Variants in ZGPAT observed in about 807,000 individuals in gnomAD.
ZGPAT encodes zinc finger CCCH-type and G-patch domain containing, also known as zinc finger CCCH-type with G patch domain-containing protein.
ZGPAT carries 39 observed loss-of-function variants against 47.9 expected under a neutral mutation model. That is an observed-to-expected ratio of 0.81 (90% CI 0.63 to 1.06). The LOEUF (loss-of-function observed/expected upper bound fraction) is 1.06, where lower values mean the gene tolerates loss of function less well. Among genes scored for constraint, ZGPAT ranks in the 50% least tolerant of loss-of-function variants. The probability of loss-of-function intolerance (pLI) is 0.00; values close to 1 mark genes in which losing one functional copy is unlikely to be tolerated. For missense variants in ZGPAT, 717 were observed against 681.4 expected (o/e 1.05, Z -0.58); for synonymous variants, 348 against 292.9 (o/e 1.19, Z -1.92).
At chr20:63,732,688 GTATGCATGTGTA>G (rs1568800215) in intron 2 of ZGPAT, among the ~76,000 whole-genome samples, 6 of 151,616 alleles carry the variant, frequency 4.0e-5, no homozygotes, top group Non-Finnish European at 7.4e-5. Context: ...GTGCATGTGT[GTATGCATGTGTA>G]TACATGTGTA....
At chr20:63,724,416 T>G (rs2091822409) in intron 2 of ZGPAT, among the ~76,000 whole-genome samples, 1 of 150,984 alleles carries the variant, frequency 6.6e-6, no homozygotes, top group Non-Finnish European at 1.5e-5. Flanking sequence ...ACACTGTGGT[T>G]CATGCCTGTA....
At chr20:63,718,669 T>A (rs1317609604) in intron 2 of ZGPAT, among the ~76,000 whole-genome samples, 1 of 151,840 alleles carries the variant, frequency 6.6e-6, no homozygotes, top group Non-Finnish European at 1.5e-5. Flanking sequence ...AAGCCCAGGC[T>A]GGTCTTGAAC....
intron 2 of ZGPAT, among the ~76,000 whole-genome samples, chr20:63,729,518 G>C (rs1480157671): frequency 6.6e-6 from 1 of 152,080 alleles, no homozygotes; most frequent in African/African-American, 2.4e-5. Flanking sequence ...ATTTTCTCTT[G>C]TGAAATCCAT....
rs11483917 is a variant in ZGPAT, at chr20:63,728,037, C to CTT, written c.585-5167_585-5166dup. ...ATATCTCTGCTCAGATTTTTAAATT[C>CTT]TTTTTTTTTTTTTTTTGAGATGGAG... On this transcript the variant is annotated intron_variant, in intron 2 of 6. Transcript: ENST00000355969. Among the ~76,000 whole-genome samples the CTT allele has an allele frequency of 6.2e-3, 826 of 133,286 alleles. 12 individuals carry two copies. The highest frequency in any genetic ancestry group is 0.018 in the African/African-American group (653 of 35,432). The allele number at this position is 133,286 out of a possible 152,430, so 87.4% of individuals were successfully genotyped here.
chr20:63,730,541 G>A (rs1347548957), intron 2 of ZGPAT, among the ~76,000 whole-genome samples: 1 of 152,184 alleles, frequency 6.6e-6, no homozygotes, highest in East Asian at 1.9e-4. Context: ...CTGGAGTGCA[G>A]TGACACAATC....
chr20:63,730,729 G>A (rs1469408053), intron 2 of ZGPAT, among the ~76,000 whole-genome samples: 3 of 152,088 alleles, frequency 2.0e-5, no homozygotes, highest in Admixed American at 1.3e-4. Flanking sequence ...TGATCCACCC[G>A]TCTCGGCCTC....
At chr20:63,730,619 G>T (rs1306205710) in intron 2 of ZGPAT, among the ~76,000 whole-genome samples, 1 of 152,148 alleles carries the variant, frequency 6.6e-6, no homozygotes, top group Non-Finnish European at 1.5e-5. Context: ...CGAGTAGGTG[G>T]GACTATAGGC....
intron 2 of ZGPAT, among the ~76,000 whole-genome samples, chr20:63,719,643 A>C (rs1291265257): frequency 6.6e-6 from 1 of 151,048 alleles, no homozygotes; most frequent in Non-Finnish European, 1.5e-5. Context: ...TTATCACTTT[A>C]CTAGTATTCT....
At chr20:63,716,129 A>G (rs1029892401) in intron 2 of ZGPAT, among the ~76,000 whole-genome samples, 1 of 152,028 alleles carries the variant, frequency 6.6e-6, no homozygotes, top group African/African-American at 2.4e-5. Context: ...TCCCGAGTTC[A>G]AGTGATTCTC....
chr20:63,719,366 T>G (rs148299418), intron 2 of ZGPAT, among the ~76,000 whole-genome samples: 96 of 152,370 alleles, frequency 6.3e-4, no homozygotes, highest in African/African-American at 2.3e-3. Context: ...TTTTGTTTCT[T>G]TCTGTCTGTT....
intron 2 of ZGPAT, among the ~76,000 whole-genome samples, chr20:63,720,143 T>A (rs1035694005): frequency 5.3e-5 from 8 of 152,106 alleles, no homozygotes; most frequent in Admixed American, 2.0e-4. Context: ...TCTTTATTTT[T>A]AAAAAATTTT....
chr20:63,711,905 T>C (rs1480808033), intron 2 of ZGPAT, among the ~76,000 whole-genome samples: 2 of 152,252 alleles, frequency 1.3e-5, no homozygotes, highest in African/African-American at 4.8e-5. Context: ...TTATATATTC[T>C]GGATATCATC....
intron 2 of ZGPAT, among the ~76,000 whole-genome samples, chr20:63,724,865 C>G (rs1487818737): frequency 1.3e-5 from 2 of 151,552 alleles, no homozygotes; most frequent in Non-Finnish European, 1.5e-5. Context: ...TTAGTAGAGA[C>G]AGGGTTTCAC....
At chr20:63,711,357 G>T (rs777770109) in intron 2 of ZGPAT, among the ~76,000 whole-genome samples, 1 of 152,170 alleles carries the variant, frequency 6.6e-6, no homozygotes. Context: ...CAACAGCCCT[G>T]TAGGTAGGCC....
intron 2 of ZGPAT, among the ~76,000 whole-genome samples, chr20:63,728,707 TGTAA>T (rs1370932232): frequency 2.0e-5 from 3 of 152,336 alleles, no homozygotes; most frequent in South Asian, 2.1e-4. Context: ...CAGTTTTCTT[TGTAA>T]GTGTTTATCG....
At chr20:63,734,332 G>A (rs954206015) in intron 4 of ZGPAT, 3 of 340,918 alleles carry the variant, frequency 8.8e-6, no homozygotes, top group Middle Eastern at 8.5e-4. Flanking sequence ...GAAGCCCCAT[G>A]TCCCTGGTGA....
At chr20:63,719,989 G>A (rs1158759846) in intron 2 of ZGPAT, among the ~76,000 whole-genome samples, 2 of 152,014 alleles carry the variant, frequency 1.3e-5, no homozygotes, top group African/African-American at 2.4e-5. Flanking sequence ...TGATCTGTCC[G>A]CCTCAGCCTC....
chr20:63,732,054 GTA>G (rs1374777213), intron 2 of ZGPAT, among the ~76,000 whole-genome samples: 2 of 152,046 alleles, frequency 1.3e-5, no homozygotes, highest in Non-Finnish European at 2.9e-5. Context: ...GTGTGAGTGT[GTA>G]TATGCATGTG....
At chr20:63,719,241 A>G (rs2091763518) in intron 2 of ZGPAT, among the ~76,000 whole-genome samples, 1 of 152,152 alleles carries the variant, frequency 6.6e-6, no homozygotes, top group Non-Finnish European at 1.5e-5. Flanking sequence ...ATCAGTGTGG[A>G]TCCCTCAATT....
Sources: allele counts gnomAD v4.1 joint callset (sites outside exome capture counted in the v4.1 genomes callset), GRCh38; gene constraint gnomAD v4.1.1; transcripts MANE v1.5; gene names NCBI Gene and HGNC (gene_info 2026-07-23, HGNC 2026-07-21).